PPP6R3: variants seen among roughly 807,000 people sequenced by gnomAD.
The protein encoded by PPP6R3 is protein phosphatase 6 regulatory subunit 3, also known as serine/threonine-protein phosphatase 6 regulatory subunit 3.
A neutral mutation model predicts 110.7 loss-of-function variants in PPP6R3; 38 were observed. That is an observed-to-expected ratio of 0.34 (90% CI 0.26 to 0.45). The LOEUF (loss-of-function observed/expected upper bound fraction) is 0.45, where lower values mean the gene tolerates loss of function less well. PPP6R3 is among the 20% of genes least tolerant of loss of function. PPP6R3 has a pLI of 1.00. For missense variants in PPP6R3, 870 were observed against 1,062.4 expected, an observed-to-expected ratio of 0.82 and a Z score of 2.52; for synonymous variants, 369 against 373.5, an observed-to-expected ratio of 0.99 and a Z score of 0.14.
chr11:68,526,333 A>G (rs933279280), intron 2 of PPP6R3, among the ~76,000 whole-genome samples: 2 of 151,704 alleles, frequency 1.3e-5, no homozygotes, highest in Non-Finnish European at 2.9e-5. Context: ...TCTGCTTCCC[A>G]GGCTCAAGTG....
At chr11:68,504,908 T>G (rs1166191065) in intron 1 of PPP6R3, among the ~76,000 whole-genome samples, 1 of 152,172 alleles carries the variant, frequency 6.6e-6, no homozygotes, top group African/African-American at 2.4e-5. Context: ...CAAATCAGCC[T>G]CCTAGCAGAG....
At position 68,601,895 on chromosome 11, in the gene PPP6R3, T is replaced by C; in HGVS notation, c.2225T>C (p.Val742Ala). 6.2e-7 allele frequency: 1 copy of C among 1,613,382 alleles called. No individual in the cohort carries two copies. The highest frequency in any genetic ancestry group is 8.5e-7 in the Non-Finnish European group (1 of 1,179,724). Residue 742 changes from valine to alanine, a missense_variant, in exon 21 of 24, where the codon GTG (valine) becomes GCG (alanine). Val to Ala is a moderately conservative substitution (Grantham distance 64, BLOSUM62 0). Transcript: ENST00000393800. The stretch of plus-strand genomic sequence containing the variant: ...GATTCTTTAAGGAGTAATTCTCCAG[T>C]GGAAATGGAAACCAGCACTGAACCC... ...TKDSLRSNSP[V>A]EMETSTEPMD...
chr11:68,613,110 C>T lies in PPP6R3; in HGVS notation c.2615C>T (p.Pro872Leu), dbSNP rs146024812. Reference sequence around the variant, plus strand: ...CCAGGTGACACTTCAGTGAATGGCCCTGTATGACGGGTGACGTCTGCTGCT... The same window carrying T: ...CCAGGTGACACTTCAGTGAATGGCCTTGTATGACGGGTGACGTCTGCTGCT... ...SAPGDTSVNG[P>L]V The change falls in exon 24 of 24, where the codon CCT (proline) becomes CTT (leucine). Residue 872 changes from proline (P) to leucine (L), a missense_variant. Physicochemically the swap from Pro to Leu is moderately conservative, Grantham distance 98 (BLOSUM62 -3). Transcript: ENST00000393800. 526 of 1,613,954 alleles carry T rather than the reference C, an allele frequency of 3.3e-4. No homozygotes were observed. The highest frequency in any genetic ancestry group is 4.1e-4 in the Non-Finnish European group (483 of 1,180,000).
chr11:68,474,745 G>A (rs1316727856), intron 1 of PPP6R3, among the ~76,000 whole-genome samples: 1 of 151,932 alleles, frequency 6.6e-6, no homozygotes, highest in Non-Finnish European at 1.5e-5. Flanking sequence ...ATATTTATAG[G>A]ATTATTAAAA....
chr11:68,590,327 CA>C lies in PPP6R3; in HGVS notation c.1731-330del, dbSNP rs565585917. On this transcript the variant is annotated intron_variant, in intron 16 of 23. Coordinates refer to ENST00000393800, the MANE Select transcript of PPP6R3 (RefSeq NM_001164161.2). ...CTTCATGTTTTGACTTGGTTCTTTG[CA>C]AATAACCTTTTTCTTGGTTATATTA... Among the ~76,000 whole-genome samples the C allele has an allele frequency of 1.5e-3, 223 of 152,204 alleles. 1 individual carries two copies. Among genetic ancestry groups the C allele is most frequent in the Non-Finnish European group, 2.7e-3 (181 of 68,020 alleles).
At chr11:68,506,373 G>A (rs942627950) in intron 1 of PPP6R3, among the ~76,000 whole-genome samples, 4 of 124,484 alleles carry the variant, frequency 3.2e-5, no homozygotes, top group African/African-American at 9.1e-5. Flanking sequence ...CCAAGGTGTT[G>A]GGATTATGGG....
At chr11:68,528,436 G>GGGA (rs1555110078) in intron 2 of PPP6R3, among the ~76,000 whole-genome samples, 1,155 of 72,890 alleles carry the variant, frequency 0.016, 29 homozygotes, top group African/African-American at 0.048. Flanking sequence ...GTGTGTGTGG[G>GGGA]GGGGGGGGCT....
At chr11:68,466,516 G>A (rs1186046039) in intron 1 of PPP6R3, among the ~76,000 whole-genome samples, 2 of 146,662 alleles carry the variant, frequency 1.4e-5, no homozygotes, top group Non-Finnish European at 3.0e-5. Context: ...TCGGCTCACT[G>A]CCAGCTCTGC....
chr11:68,460,961 C>A (rs1419769293), intron 1 of PPP6R3, 134 bp downstream of exon 1: 2 of 151,976 alleles, frequency 1.3e-5, no homozygotes, highest in African/African-American at 2.4e-5. Context: ...CCCTCCCCCC[C>A]CGGAATTCGT....
At chr11:68,541,955 CAACTCTTTG>C (rs1393514923) in intron 3 of PPP6R3, among the ~76,000 whole-genome samples, 1 of 152,026 alleles carries the variant, frequency 6.6e-6, no homozygotes, top group Non-Finnish European at 1.5e-5. Flanking sequence ...CAAGCAGAGA[CAACTCTTTG>C]AAGTGATTTC....
chr11:68,609,431 A>C, intron 22 of PPP6R3: 2 of 780,314 alleles, frequency 2.6e-6, no homozygotes, highest in African/African-American at 3.4e-5. Flanking sequence ...GCTTGGCCCC[A>C]AAAGCAAAGT....
intron 20 of PPP6R3, among the ~76,000 whole-genome samples, 179 bp from the exon 21 acceptor site, chr11:68,601,684 T>G (rs771883459): frequency 2.6e-5 from 4 of 152,182 alleles, no homozygotes; most frequent in Non-Finnish European, 5.9e-5. Flanking sequence ...ACTCATGTCC[T>G]TCTTCAAACA....
chr11:68,477,745 T>TATCTATATATATATATATAG lies in PPP6R3; in HGVS notation c.-158+16920_-158+16921insCTATATATATATATATAGAT, dbSNP rs1565285509. Among the ~76,000 whole-genome samples the TATCTATATATATATATATAG allele has an allele frequency of 2.0e-4, 20 of 101,132 alleles. No homozygotes were observed. In the Middle Eastern group the frequency reaches 0.025, roughly 125 times the overall value. The allele number at this position is 101,132 out of a possible 152,430, so 66.3% of individuals were successfully genotyped here. ...TTGTCTCTTAAAAAAAAAAAAAATA[T>TATCTATATATATATATATAG]ATATATATATATATATATATATATA... On this transcript the variant is annotated intron_variant, in intron 1 of 23. Coordinates refer to ENST00000393800, the MANE Select transcript of PPP6R3 (RefSeq NM_001164161.2).
In PPP6R3 at chr11:68,613,082, G is replaced by C. The variant is rs761993308; in HGVS notation, c.2587G>C (p.Ala863Pro). 1 of 1,614,042 alleles carries C rather than the reference G, an allele frequency of 6.2e-7. No individual in the cohort carries two copies. Among genetic ancestry groups the C allele is most frequent in the Non-Finnish European group, 8.5e-7 (1 of 1,179,992 alleles). The change falls in exon 24 of 24, where the codon GCA (alanine) becomes CCA (proline). Residue 863 changes from alanine (A) to proline (P), a missense_variant. Physicochemically the swap from Ala to Pro is conservative, Grantham distance 27 (BLOSUM62 -1). Coordinates refer to ENST00000393800, the MANE Select transcript of PPP6R3 (RefSeq NM_001164161.2). ...SPEQRTGQPS[A>P]PGDTSVNGPV ...GCTCCTTAGGACTGGCCAACCAAGC[G>C]CACCAGGTGACACTTCAGTGAATGG...
intron 8 of PPP6R3, among the ~76,000 whole-genome samples, chr11:68,559,554 T>G (rs1397755555): frequency 6.6e-6 from 1 of 152,216 alleles, no homozygotes; most frequent in Non-Finnish European, 1.5e-5. Flanking sequence ...TTTTGGTTTC[T>G]AGCAAAATAG....
At chr11:68,558,714 G>A (rs747449370) in intron 8 of PPP6R3, 35 bp downstream of exon 8, 1 of 1,482,138 alleles carries the variant, frequency 6.7e-7, no homozygotes, top group Non-Finnish European at 9.4e-7. Flanking sequence ...AATGAACCAT[G>A]TTGTTTTGCT....
At chr11:68,476,811 C>T (rs1329641696) in intron 1 of PPP6R3, among the ~76,000 whole-genome samples, 1 of 151,920 alleles carries the variant, frequency 6.6e-6, no homozygotes, top group African/African-American at 2.4e-5. Flanking sequence ...TGCTTGAGCC[C>T]AGGAGTTTGA....
In PPP6R3 at chr11:68,466,651, C is replaced by T. The variant is rs527823758; in HGVS notation, c.-158+5824C>T. 1.8e-4 allele frequency among the ~76,000 whole-genome samples: 27 copies of T among 151,744 alleles called. 1 individual carries two copies. In the Middle Eastern group the frequency reaches 0.02, roughly 115 times the overall value. On this transcript the variant is annotated intron_variant, in intron 1 of 23. Coordinates refer to ENST00000393800, the MANE Select transcript of PPP6R3 (RefSeq NM_001164161.2). Reference sequence around the variant, plus strand: ...ATTTTGAGACGGAGTCTCACACTGTCGCCCGGGCTGGAGTGCAGTGGCGCT... The same window carrying T: ...ATTTTGAGACGGAGTCTCACACTGTTGCCCGGGCTGGAGTGCAGTGGCGCT...
chr11:68,503,207 G>A (rs2099057335), intron 1 of PPP6R3, among the ~76,000 whole-genome samples: 1 of 152,198 alleles, frequency 6.6e-6, no homozygotes, highest in Admixed American at 6.5e-5. Flanking sequence ...CTCCCAAAGT[G>A]CTGGGATTAC....
Sources: gnomAD v4.1 joint callset for allele counts (sites outside exome capture counted in the v4.1 genomes callset) on GRCh38, gnomAD v4.1.1 for gene constraint, MANE v1.5 for transcripts, NCBI Gene and HGNC (gene_info 2026-07-23, HGNC 2026-07-21) for gene names.